Variants in RABGEF1 observed in about 807,000 individuals in gnomAD.
The protein encoded by RABGEF1 is rab5 GDP/GTP exchange factor.
In RABGEF1, 26 loss-of-function variants were observed where a neutral mutation model predicts 57.3. The observed-to-expected ratio is 0.45, with a 90% confidence interval of 0.33 to 0.63. The LOEUF is 0.63. Ranked by LOEUF, RABGEF1 falls within the 20% of genes least tolerant of loss-of-function variation. The pLI is 0.02. For synonymous variants in RABGEF1, 185 were observed against 210.7 expected (o/e 0.88, Z 1.06); for missense variants, 464 against 607.6 (o/e 0.76, Z 2.48).
intron 1 of RABGEF1, among the ~76,000 whole-genome samples, chr7:66,704,776 A>AC (rs1268635980): frequency 1.3e-5 from 2 of 151,058 alleles, no homozygotes; most frequent in African/African-American, 4.9e-5. Flanking sequence ...GTGCCACTGC[A>AC]CTCCAGCCTG....
At chr7:66,674,680 G>C in the RABGEF1 span, among the ~76,000 whole-genome samples, 2 of 152,000 alleles carry the variant, frequency 1.3e-5, no homozygotes, top group Non-Finnish European at 2.9e-5. Context: ...ACATGTTGAA[G>C]GAAAGAAGCC....
intron 1 of RABGEF1, among the ~76,000 whole-genome samples, chr7:66,702,787 T>C (rs1289194078): frequency 6.6e-6 from 1 of 152,216 alleles, no homozygotes; most frequent in Non-Finnish European, 1.5e-5. Flanking sequence ...TATAGAAATG[T>C]CTATTCAAGT....
chr7:66,703,892 A>G (rs1793643271), intron 1 of RABGEF1, among the ~76,000 whole-genome samples: 1 of 152,210 alleles, frequency 6.6e-6, no homozygotes, highest in Non-Finnish European at 1.5e-5. Flanking sequence ...GGGTATTGCC[A>G]TCTTAACAAT....
chr7:66,791,225 T>C lies in RABGEF1; in HGVS notation c.514-4286T>C, dbSNP rs530032230. On this transcript the variant is annotated intron_variant, in intron 4 of 8. Transcript: ENST00000284957. ...AGCATATGTATCTTAACGGTTCCCA[T>C]CACCTTTATTTTGCCAGTAATTGAA... 7.2e-4 allele frequency among the ~76,000 whole-genome samples: 109 copies of C among 152,340 alleles called. 1 individual carries two copies. Among genetic ancestry groups the C allele is most frequent in the African/African-American group, 2.6e-3 (108 of 41,582 alleles).
At chr7:66,727,727 A>G (rs1454754258) in intron 2 of RABGEF1, among the ~76,000 whole-genome samples, 2 of 152,202 alleles carry the variant, frequency 1.3e-5, no homozygotes, top group African/African-American at 4.8e-5. Context: ...AGAAGTGGGC[A>G]CACCTGGGGA....
intron 3 of RABGEF1, among the ~76,000 whole-genome samples, chr7:66,782,785 CA>C (rs200519562): frequency 2.0e-5 from 3 of 146,588 alleles, no homozygotes; most frequent in African/African-American, 2.5e-5. Flanking sequence ...GACTTCGTCT[CA>C]AAAAAAAAAT....
chr7:66,807,257 A>G (rs1457796423), intron 8 of RABGEF1, among the ~76,000 whole-genome samples: 1 of 152,096 alleles, frequency 6.6e-6, no homozygotes, highest in South Asian at 2.1e-4. Flanking sequence ...TCCTACACCC[A>G]TTGCTCCAAT....
the RABGEF1 span, among the ~76,000 whole-genome samples, chr7:66,663,666 CACCAGCATGGCACA>C: frequency 6.6e-6 from 1 of 151,346 alleles, no homozygotes; most frequent in African/African-American, 2.4e-5. Context: ...GGGTGCAGCG[CACCAGCATGGCACA>C]TGTATACATA....
chr7:66,799,326 C>G lies in RABGEF1; in HGVS notation c.732C>G (p.Ala244=), dbSNP rs1368839427. 2 of 1,600,918 alleles carry G rather than the reference C, an allele frequency of 1.2e-6. No individual in the cohort carries two copies. The highest frequency in any genetic ancestry group is 1.1e-5 in the South Asian group (1 of 90,774). ...KDLAIQKRIR[A]LRWVTPQMLC... is the part of the protein sequence containing the mutation. ...TTTACTGTCTCTCTCTCTTTAGAGC[C>G]CTGCGCTGGGTTACGCCTCAGATGC... Residue 244 remains alanine, a synonymous_variant, in exon 7 of 9, where the codon GCC becomes GCG. Transcript: ENST00000284957.
At chr7:66,773,449 A>C (rs993932752) in intron 2 of RABGEF1, among the ~76,000 whole-genome samples, 28 of 152,002 alleles carry the variant, frequency 1.8e-4, no homozygotes, top group African/African-American at 6.3e-4. Flanking sequence ...TTTTGTTTCT[A>C]TTTCTTACTG....
chr7:66,742,259 G>A (rs3962133), intron 1 of RABGEF1, among the ~76,000 whole-genome samples: 15,793 of 152,204 alleles, frequency 0.1, 898 homozygotes, highest in Non-Finnish European at 0.11. Context: ...ATAACATTTT[G>A]CTTTTAAGAG....
At chr7:66,722,145 G>C (rs768603289) in intron 2 of RABGEF1, among the ~76,000 whole-genome samples, 1 of 151,788 alleles carries the variant, frequency 6.6e-6, no homozygotes, top group Admixed American at 6.6e-5. Context: ...CAACAGAATA[G>C]GACCCTGTCT....
chr7:66,699,524 C>G (rs1320043608), intron 1 of RABGEF1, among the ~76,000 whole-genome samples: 1 of 152,128 alleles, frequency 6.6e-6, no homozygotes, highest in East Asian at 1.9e-4. Context: ...AACCCCGTCT[C>G]TACTAAAAAT....
intron 1 of RABGEF1, among the ~76,000 whole-genome samples, chr7:66,742,947 G>A (rs1033683364): frequency 5.9e-5 from 9 of 152,116 alleles, no homozygotes; most frequent in African/African-American, 2.2e-4. Flanking sequence ...AGAGATGTAG[G>A]AGCTCAGGCT....
At chr7:66,784,144 C>T (rs1007305456) in intron 4 of RABGEF1, among the ~76,000 whole-genome samples, 2 of 152,138 alleles carry the variant, frequency 1.3e-5, no homozygotes, top group African/African-American at 4.8e-5. Context: ...GTATAAACTG[C>T]GATAGTAGAC....
At chr7:66,808,445 A>T (rs1340806785) in intron 8 of RABGEF1, among the ~76,000 whole-genome samples, 1 of 151,872 alleles carries the variant, frequency 6.6e-6, no homozygotes, top group East Asian at 1.9e-4. Flanking sequence ...CAAACTCCTG[A>T]CCTCATGATC....
upstream of RABGEF1, among the ~76,000 whole-genome samples, chr7:66,737,443 A>T (rs2244022): frequency 5.7e-5 from 8 of 139,370 alleles, no homozygotes; most frequent in East Asian, 2.0e-4. Flanking sequence ...GAGACTGGGT[A>T]GGGGGGGGCA....
chr7:66,783,569 A>G lies in RABGEF1; in HGVS notation c.347-106A>G, dbSNP rs1036065210. Reference sequence around the variant, plus strand: ...ATAAAATTATTTAAATTCAAGTTTAACTTTGATGAAACATAATTTAAATAA... The same window carrying G: ...ATAAAATTATTTAAATTCAAGTTTAGCTTTGATGAAACATAATTTAAATAA... On this transcript the variant is annotated intron_variant, in intron 3 of 8. Transcript: ENST00000284957. The G allele has an allele frequency of 2.0e-5, 21 of 1,029,202 alleles. No individual in the cohort carries two copies. The African/African-American group carries it at 3.1e-4, about 15-fold the overall frequency. The allele number at this position is 1,029,202 out of a possible 1,614,324, so 63.8% of individuals were successfully genotyped here. A position where few individuals can be genotyped will look rare whatever the true frequency, so the allele number is the denominator to read the frequency against.
At chr7:66,713,148 T>C (rs1227209599) in intron 2 of RABGEF1, among the ~76,000 whole-genome samples, 1 of 150,442 alleles carries the variant, frequency 6.6e-6, no homozygotes, top group Non-Finnish European at 1.5e-5. Context: ...TCTTTTCTTT[T>C]TTTTTTTTTT....
Sources: gnomAD v4.1 joint callset for allele counts (sites outside exome capture counted in the v4.1 genomes callset) on GRCh38, gnomAD v4.1.1 for gene constraint, MANE v1.5 for transcripts, NCBI Gene and HGNC (gene_info 2026-07-23, HGNC 2026-07-21) for gene names.